The following STXBP4 variants were observed in gnomAD, a reference collection of about 807,000 sequenced individuals.
The protein encoded by STXBP4 is syntaxin binding protein 4.
In STXBP4, 55 loss-of-function variants were observed where a neutral mutation model predicts 76.1. That is an observed-to-expected ratio of 0.72 (90% confidence interval 0.58 to 0.91). The LOEUF (loss-of-function observed/expected upper bound fraction) is 0.91. Among genes scored for constraint, STXBP4 ranks in the 40% least tolerant of loss-of-function variants. The pLI, the probability that STXBP4 is intolerant of heterozygous loss-of-function variation, is 0.00. For synonymous variants in STXBP4, 201 were observed against 220.2 expected, an observed-to-expected ratio of 0.91 and a Z score of 0.77; for missense variants, 618 against 636.9, an observed-to-expected ratio of 0.97 and a Z score of 0.32.
chr17:55,051,788 C>T (rs142643460), intron 12 of STXBP4, among the ~76,000 whole-genome samples: 141 of 151,934 alleles, frequency 9.3e-4, no homozygotes, highest in Middle Eastern at 3.4e-3. Context: ...AAGAACCCTG[C>T]GGGATGGGCT....
At chr17:55,147,505 T>C (rs1281106744) in intron 17 of STXBP4, among the ~76,000 whole-genome samples, 1 of 152,172 alleles carries the variant, frequency 6.6e-6, no homozygotes. Flanking sequence ...ATACTGTTGG[T>C]GATTTTTCAA....
chr17:54,983,124 G>A (rs114656334), intron 1 of STXBP4, among the ~76,000 whole-genome samples: 316 of 152,244 alleles, frequency 2.1e-3, no homozygotes, highest in African/African-American at 7.2e-3. Flanking sequence ...GGCTGTATTC[G>A]TGTTTAATGA....
At chr17:55,095,122 A>G (rs186486987) in intron 16 of STXBP4, among the ~76,000 whole-genome samples, 4 of 152,342 alleles carry the variant, frequency 2.6e-5, no homozygotes, top group South Asian at 2.1e-4. Context: ...AGTAAAATCT[A>G]TATACCTTAC....
intron 16 of STXBP4, among the ~76,000 whole-genome samples, chr17:55,135,238 A>G (rs1427826403): frequency 2.0e-5 from 3 of 152,176 alleles, no homozygotes; most frequent in Non-Finnish European, 2.9e-5. Flanking sequence ...AATATATTAT[A>G]GCTTTTCAAT....
chr17:55,076,317 C>G (rs2079181077), intron 13 of STXBP4, among the ~76,000 whole-genome samples: 1 of 152,150 alleles, frequency 6.6e-6, no homozygotes, highest in South Asian at 2.1e-4. Flanking sequence ...TCTTACATCT[C>G]AGACCTTCTC....
At chr17:54,999,599 C>T in intron 5 of STXBP4, 33 bp from the exon 6 acceptor site, 1 of 1,570,112 alleles carries the variant, frequency 6.4e-7, no homozygotes, top group Non-Finnish European at 8.7e-7. Flanking sequence ...ATATTCATAG[C>T]ATATCCATAA....
At position 54,998,712 on chromosome 17, in the gene STXBP4, G is replaced by A. The variant is rs1044881218; in HGVS notation, c.181-633G>A. On this transcript the variant is annotated intron_variant, in intron 4 of 17. Coordinates refer to ENST00000376352, the MANE Select transcript of STXBP4 (RefSeq NM_178509.6). ...ATATAATTAAAATCCTTGGCCAGGC[G>A]CAGTGGCTCACACCTGTAATCCGAG... Among the ~76,000 whole-genome samples, 14 of 152,304 alleles carry A rather than the reference G, an allele frequency of 9.2e-5. No homozygotes were observed. In the East Asian group the frequency reaches 1.4e-3, roughly 15 times the overall value.
At chr17:55,039,232 G>A (rs1305149376) in intron 10 of STXBP4, among the ~76,000 whole-genome samples, 1 of 152,138 alleles carries the variant, frequency 6.6e-6, no homozygotes, top group Non-Finnish European at 1.5e-5. Flanking sequence ...TGGCATTTGA[G>A]TAAATTTTGA....
intron 16 of STXBP4, among the ~76,000 whole-genome samples, chr17:55,113,895 A>G (rs1213139671): frequency 1.3e-5 from 2 of 152,098 alleles, no homozygotes; most frequent in Non-Finnish European, 2.9e-5. Context: ...CTCAAGAACG[A>G]TATTACCCGT....
Position 55,073,009 on chromosome 17 carries a change from TC to T in STXBP4, c.1123del (p.Arg375ValfsTer3). ...HGMEMDYEEV[I>X]RLLEAKITEL... ...ATGGAAATGGACTATGAAGAAGTGA[TC>T]CGTCTGTTAGAGGCCAAGATTACAG... On this transcript the variant is annotated frameshift_variant, in exon 13 of 18. Coordinates refer to ENST00000376352, the MANE Select transcript of STXBP4 (RefSeq NM_178509.6). LOFTEE classifies it high-confidence loss of function. 6.2e-7 allele frequency: 1 copy of T among 1,613,984 alleles called. No individual in the cohort carries two copies. Among genetic ancestry groups the T allele is most frequent in the South Asian group, 1.1e-5 (1 of 91,062 alleles).
intron 9 of STXBP4, 85 bp from the exon 10 acceptor site, chr17:55,034,083 G>C (rs2078557765): frequency 1.1e-6 from 1 of 919,896 alleles, no homozygotes; most frequent in African/African-American, 1.6e-5. Flanking sequence ...GGTTAAATTT[G>C]AAACCTTAGC....
At chr17:55,088,597 A>G (rs2079369905) in intron 16 of STXBP4, among the ~76,000 whole-genome samples, 1 of 152,080 alleles carries the variant, frequency 6.6e-6, no homozygotes, top group East Asian at 1.9e-4. Flanking sequence ...GGTTTTCACC[A>G]TGTTGGTCAG....
intron 12 of STXBP4, among the ~76,000 whole-genome samples, chr17:55,062,356 T>A (rs1384037875): frequency 6.6e-6 from 1 of 152,166 alleles, no homozygotes; most frequent in Non-Finnish European, 1.5e-5. Flanking sequence ...TTTCTGTTCC[T>A]GTGTTAGTTT....
chr17:55,194,470 G>T, the STXBP4 span, among the ~76,000 whole-genome samples: 2 of 152,128 alleles, frequency 1.3e-5, no homozygotes, highest in South Asian at 2.1e-4. Context: ...CCCCCATCCC[G>T]CATTGCTGCC....
intron 10 of STXBP4, among the ~76,000 whole-genome samples, chr17:55,036,043 A>G (rs1324159375): frequency 6.6e-6 from 1 of 151,922 alleles, no homozygotes; most frequent in Non-Finnish European, 1.5e-5. Flanking sequence ...TCTCTTAGCA[A>G]TTTTCAAAAT....
At position 54,997,751 on chromosome 17, in the gene STXBP4, ATTTTT is replaced by A. The variant is rs11291147; in HGVS notation, c.181-1580_181-1576del. On this transcript the variant is annotated intron_variant, in intron 4 of 17. Transcript: ENST00000376352. ...CTGAGACTACAGACATGTGCCAGCTATTTTTTTTTTTTTTTTTTGAAAGATGGGGT... is the reference window on the plus strand; with the variant it reads ...CTGAGACTACAGACATGTGCCAGCTATTTTTTTTTTTTTGAAAGATGGGGT... 3.0e-3 allele frequency among the ~76,000 whole-genome samples: 363 copies of A among 120,670 alleles called. 2 individuals are homozygous for A. The highest frequency in any genetic ancestry group is 0.011 in the African/African-American group (341 of 30,264). The allele number at this position is 120,670 out of a possible 152,430, so 79.2% of individuals were successfully genotyped here.
At chr17:55,016,915 A>G (rs764085087) in intron 8 of STXBP4, among the ~76,000 whole-genome samples, 80 of 152,232 alleles carry the variant, frequency 5.3e-4, no homozygotes, top group Middle Eastern at 3.4e-3. Flanking sequence ...TTACTTTCCT[A>G]CTTCTGTTAG....
intron 16 of STXBP4, among the ~76,000 whole-genome samples, chr17:55,098,962 G>A (rs1246906103): frequency 6.6e-6 from 1 of 152,018 alleles, no homozygotes; most frequent in Non-Finnish European, 1.5e-5. Context: ...ATTTTTTATT[G>A]TGCTTAATAT....
At chr17:55,141,760 G>T (rs975572317) in intron 17 of STXBP4, among the ~76,000 whole-genome samples, 1 of 152,122 alleles carries the variant, frequency 6.6e-6, no homozygotes, top group Non-Finnish European at 1.5e-5. Flanking sequence ...GCTTTAAAAT[G>T]CACACAGTTC....
Sources: gnomAD v4.1 joint callset for allele counts (sites outside exome capture counted in the v4.1 genomes callset) on GRCh38, gnomAD v4.1.1 for gene constraint, MANE v1.5 for transcripts, NCBI Gene and HGNC (gene_info 2026-07-23, HGNC 2026-07-21) for gene names.